KLF8: variants seen among roughly 807,000 people sequenced by gnomAD.
The protein encoded by KLF8 is Krueppel-like factor 8.
Under a neutral mutation model 18.2 loss-of-function variants are expected in KLF8, and 10 were observed. That is an observed-to-expected ratio of 0.55 (90% confidence interval 0.34 to 0.93). The LOEUF is 0.93. Among genes scored for constraint, KLF8 ranks in the 40% least tolerant of loss-of-function variants. KLF8 has a pLI of 0.02. For missense variants in KLF8, 264 were observed against 277.9 expected (o/e 0.95, Z 0.36); for synonymous variants, 109 against 97.3 (o/e 1.12, Z -0.71).
the KLF8 span, among the ~76,000 whole-genome samples, chrX:55,930,666 G>A: frequency 8.9e-6 from 1 of 112,084 alleles, no homozygotes; most frequent in Non-Finnish European, 1.9e-5. Context: ...CATTGGTTCT[G>A]TTTATGTGAT....
the KLF8 span, among the ~76,000 whole-genome samples, chrX:56,206,843 CAG>C: frequency 8.9e-6 from 1 of 112,902 alleles, no homozygotes; most frequent in African/African-American, 3.2e-5. Context: ...ACTGCCCTAG[CAG>C]AGTTACATGA....
chrX:56,099,631 CT>C, the KLF8 span, among the ~76,000 whole-genome samples: 8,622 of 111,661 alleles, frequency 0.077, 808 homozygotes, highest in African/African-American at 0.27. Flanking sequence ...AAAAGGATGA[CT>C]CTGGTAAACA....
At chrX:56,151,205 G>A in the KLF8 span, among the ~76,000 whole-genome samples, 1 of 111,493 alleles carries the variant, frequency 9.0e-6, no homozygotes, top group Admixed American at 9.6e-5. Context: ...AAAGACTTTG[G>A]GTTTTCTTCT....
the KLF8 span, among the ~76,000 whole-genome samples, chrX:56,079,242 C>T: frequency 1.8e-5 from 2 of 111,094 alleles, no homozygotes; most frequent in African/African-American, 6.6e-5. Flanking sequence ...GTTAGGGTGT[C>T]AATTTTGGAT....
At chrX:56,277,216 A>C (rs2067134871) in intron 5 of KLF8, among the ~76,000 whole-genome samples, 1 of 111,820 alleles carries the variant, frequency 8.9e-6, no homozygotes, top group African/African-American at 3.3e-5. Flanking sequence ...TGATGCTTGT[A>C]GATATTCATT....
chrX:56,029,339 C>A, the KLF8 span, among the ~76,000 whole-genome samples: 1 of 111,653 alleles, frequency 9.0e-6, no homozygotes, highest in Non-Finnish European at 1.9e-5. Context: ...CTAAGCAAGT[C>A]TCTGCCTAAC....
At chrX:56,186,029 T>C in the KLF8 span, among the ~76,000 whole-genome samples, 5 of 112,027 alleles carry the variant, frequency 4.5e-5, no homozygotes, top group Non-Finnish European at 7.5e-5. Flanking sequence ...ATAAAAATAT[T>C]AACTTTAAAT....
the KLF8 span, among the ~76,000 whole-genome samples, chrX:55,947,429 T>C: frequency 2.0e-5 from 2 of 100,564 alleles, no homozygotes; most frequent in Admixed American, 2.3e-4. Context: ...TAGGTGGGAA[T>C]TGAACAATGA....
At chrX:56,101,088 C>A in the KLF8 span, among the ~76,000 whole-genome samples, 1 of 110,943 alleles carries the variant, frequency 9.0e-6, no homozygotes, top group Non-Finnish European at 1.9e-5. Context: ...GCATAGTAAC[C>A]AATAGGTAGT....
At chrX:56,280,511 A>G (rs1036259748) in intron 5 of KLF8, among the ~76,000 whole-genome samples, 1 of 112,431 alleles carries the variant, frequency 8.9e-6, no homozygotes, top group African/African-American at 3.2e-5. Context: ...GGTTGGGATT[A>G]TAGGCATGAG....
chrX:56,267,204 T>C, intron 3 of KLF8: 13 of 753,220 alleles, frequency 1.7e-5, no homozygotes, highest in Non-Finnish European at 2.0e-5. Context: ...GGTTCCAAGC[T>C]AAGGGCATTG....
At chrX:56,036,503 G>A in the KLF8 span, among the ~76,000 whole-genome samples, 23,126 of 110,988 alleles carry the variant, frequency 0.21, 4,914 homozygotes, top group African/African-American at 0.66. Flanking sequence ...ATGTGGATTA[G>A]TATTTGTGTT....
the KLF8 span, among the ~76,000 whole-genome samples, chrX:55,947,231 C>G: frequency 9.0e-6 from 1 of 110,583 alleles, no homozygotes; most frequent in Non-Finnish European, 1.9e-5. Context: ...AGACTTGGAA[C>G]CAAGCCAAAT....
chrX:56,054,155 G>T, the KLF8 span, among the ~76,000 whole-genome samples: 7 of 109,783 alleles, frequency 6.4e-5, no homozygotes, highest in African/African-American at 2.3e-4. Context: ...ATTTTGACAC[G>T]GAGTCTCTCT....
the KLF8 span, among the ~76,000 whole-genome samples, chrX:56,178,064 C>G: frequency 8.9e-6 from 1 of 112,030 alleles, no homozygotes; most frequent in African/African-American, 3.2e-5. Flanking sequence ...GAGGTGATGC[C>G]TCTCCCTGCT....
chrX:56,070,020 G>A, the KLF8 span, among the ~76,000 whole-genome samples: 1 of 112,618 alleles, frequency 8.9e-6, no homozygotes, highest in Non-Finnish European at 1.9e-5. Flanking sequence ...ATCAAAGATA[G>A]ACTGGATAAA....
the KLF8 span, among the ~76,000 whole-genome samples, chrX:56,010,217 G>T: frequency 9.0e-6 from 1 of 111,377 alleles, no homozygotes; most frequent in Admixed American, 9.6e-5. Flanking sequence ...AGAGAGAAAG[G>T]CCAGGTCACC....
the KLF8 span, among the ~76,000 whole-genome samples, chrX:55,951,713 G>A: frequency 0.15 from 16,862 of 109,242 alleles, 1,340 homozygotes; most frequent in Non-Finnish European, 0.24. Context: ...GACTGCTTAC[G>A]GACCTTAAAA....
the KLF8 span, among the ~76,000 whole-genome samples, chrX:56,002,198 C>T: frequency 1.1e-4 from 12 of 112,178 alleles, no homozygotes; most frequent in African/African-American, 2.3e-4. Context: ...TATTCCTTTA[C>T]GTATCAAAGC....
Sources: allele counts gnomAD v4.1 joint callset (sites outside exome capture counted in the v4.1 genomes callset), GRCh38; gene constraint gnomAD v4.1.1; transcripts MANE v1.5; gene names NCBI Gene and HGNC (gene_info 2026-07-23, HGNC 2026-07-21).